Variants in DDX60 observed in about 807,000 individuals in gnomAD.
DDX60 encodes DExD/H-box helicase 60.
In DDX60, 165 loss-of-function variants were observed where a neutral mutation model predicts 212.8. The observed-to-expected ratio is 0.78, with a 90% CI of 0.68 to 0.88. The LOEUF (loss-of-function observed/expected upper bound fraction) is 0.88, where lower values mean the gene tolerates loss of function less well. DDX60 is among the 40% of genes least tolerant of loss of function. DDX60 has a pLI of 0.00. For synonymous variants in DDX60, 703 were observed against 685.3 expected (o/e 1.03, Z -0.40); for missense variants, 1,905 against 2,003.9 (o/e 0.95, Z 0.94).
intron 28 of DDX60, among the ~76,000 whole-genome samples, chr4:168,250,363 G>A (rs1484094493): frequency 6.6e-6 from 1 of 151,966 alleles, no homozygotes; most frequent in African/African-American, 2.4e-5. Context: ...CCAGCATGGA[G>A]AAACCCCATC....
chr4:168,260,656 A>G (rs1203888378), intron 25 of DDX60, among the ~76,000 whole-genome samples: 1 of 152,122 alleles, frequency 6.6e-6, no homozygotes, highest in Non-Finnish European at 1.5e-5. Flanking sequence ...TCACATGTGC[A>G]GTTCACAATA....
At chr4:168,252,178 C>T (rs996041248) in intron 27 of DDX60, among the ~76,000 whole-genome samples, 4 of 152,134 alleles carry the variant, frequency 2.6e-5, no homozygotes, top group Admixed American at 6.5e-5. Flanking sequence ...AATAACGAAA[C>T]GGCAAACATT....
intron 12 of DDX60, among the ~76,000 whole-genome samples, chr4:168,284,564 A>G (rs768150879): frequency 3.3e-5 from 5 of 152,170 alleles, no homozygotes; most frequent in Non-Finnish European, 7.4e-5. Context: ...ACATTGCTTA[A>G]ACTACAAACC....
At chr4:168,310,547 C>T (rs1167496109) in intron 3 of DDX60, among the ~76,000 whole-genome samples, 3 of 152,162 alleles carry the variant, frequency 2.0e-5, no homozygotes, top group Non-Finnish European at 4.4e-5. Context: ...GAATTTTAAG[C>T]AGGTGGCATT....
rs373973668 is a variant in DDX60, at chr4:168,247,982, G to A, written c.3963+206C>T. Among the ~76,000 whole-genome samples, 5 of 152,214 alleles carry A rather than the reference G, an allele frequency of 3.3e-5. 1 individual carries two copies. Among genetic ancestry groups the A allele is most frequent in the African/African-American group, 1.2e-4 (5 of 41,526 alleles). On this transcript the variant is annotated intron_variant, in intron 29 of 37. Transcript: ENST00000393743. ...ATCAGGCAGTTCAGATATCTCATCC[G>A]AGGTCACACATCTGGTTAATCACAC...
Position 168,291,865 on chromosome 4 carries a change from C to T in DDX60, c.924G>A (p.Leu308=). ...NCLTLQEMED[L]CKLHCLTVVF... ...CCACAGTGAGACAATGCAGTTTACA[C>T]AAATCTTCCATCTCCTGCAGGGTTA... Residue 308 remains leucine (L), a synonymous_variant, in exon 8 of 38, where the codon TTG becomes TTA. Coordinates refer to ENST00000393743, the MANE Select transcript of DDX60 (RefSeq NM_017631.6). 6.2e-7 allele frequency: 1 copy of T among 1,613,008 alleles called. No individual in the cohort carries two copies. Among genetic ancestry groups the T allele is most frequent in the African/African-American group, 1.3e-5 (1 of 74,940 alleles).
intron 4 of DDX60, among the ~76,000 whole-genome samples, chr4:168,307,320 G>T (rs1455206671): frequency 1.3e-5 from 2 of 152,092 alleles, no homozygotes; most frequent in Admixed American, 6.5e-5. Context: ...GATTAGGAAG[G>T]GTGGTAGTGG....
intron 14 of DDX60, among the ~76,000 whole-genome samples, chr4:168,277,303 T>A (rs1735382767): frequency 6.6e-6 from 1 of 152,182 alleles, no homozygotes; most frequent in South Asian, 2.1e-4. Context: ...TACTCATTGG[T>A]CTCAAAGGTG....
Position 168,225,528 on chromosome 4 carries a change from C to A in DDX60, c.4681+1G>T. ...CCACAATGGAGGTAAAATATACTTACTGATTTTTGACAATGGGAGTTGATA... is the reference window on the plus strand; with the variant it reads ...CCACAATGGAGGTAAAATATACTTAATGATTTTTGACAATGGGAGTTGATA... On this transcript the variant is annotated splice_donor_variant, in intron 34 of 37. Coordinates refer to ENST00000393743, the MANE Select transcript of DDX60 (RefSeq NM_017631.6). LOFTEE classifies it high-confidence loss of function. 1 of 1,602,548 alleles carries A rather than the reference C, an allele frequency of 6.2e-7. No individual in the cohort carries two copies. The highest frequency in any genetic ancestry group is 1.1e-5 in the South Asian group (1 of 88,862).
Position 168,283,500 on chromosome 4 carries a change from A to C in DDX60, c.1668T>G (p.Thr556=). ...AATCCTTCTTTGACTTAATAGTTTG[A>C]GTCACGATGATTTTCGAAGAGACTG... ...LETVSSKIIV[T]QTIKSKKDFS... is the part of the protein sequence containing the mutation. The change falls in exon 13 of 38, where the codon ACT becomes ACG. Residue 556 remains threonine, a synonymous_variant. Transcript: ENST00000393743. 1 of 1,613,606 alleles carries C rather than the reference A, an allele frequency of 6.2e-7. No individual in the cohort carries two copies. Among genetic ancestry groups the C allele is most frequent in the Non-Finnish European group, 8.5e-7 (1 of 1,179,702 alleles).
chr4:168,310,536 A>G (rs1319732978), intron 3 of DDX60, among the ~76,000 whole-genome samples: 1 of 152,252 alleles, frequency 6.6e-6, no homozygotes, highest in Non-Finnish European at 1.5e-5. Flanking sequence ...TAGCCATTGA[A>G]GAATTTTAAG....
Position 168,224,329 on chromosome 4 carries a change from T to C in DDX60, c.4738A>G (p.Lys1580Glu). Residue 1580 changes from lysine (K) to glutamate (E), a missense_variant, in exon 35 of 38, where the codon AAG becomes GAG. Transcript: ENST00000393743. ...SQLVSHLMSC[K>E]EGRVAISPFV... ...GGTGAAATTGCTACTCTTCCTTCCT[T>C]GCAGCTCATCAAATGAGATACGAGT... The C allele has an allele frequency of 6.2e-7, 1 of 1,612,156 alleles. No homozygotes were observed. The highest frequency in any genetic ancestry group is 8.5e-7 in the Non-Finnish European group (1 of 1,178,668).
chr4:168,304,732 A>G (rs1736802571), intron 5 of DDX60, among the ~76,000 whole-genome samples: 1 of 152,202 alleles, frequency 6.6e-6, no homozygotes, highest in Non-Finnish European at 1.5e-5. Context: ...ATATTTTTGT[A>G]CAGTTGTATA....
chr4:168,244,241 C>T (rs566659009), intron 30 of DDX60, among the ~76,000 whole-genome samples: 1 of 151,828 alleles, frequency 6.6e-6, no homozygotes, highest in East Asian at 1.9e-4. Context: ...ACATGTGCCT[C>T]AGAACTTAAA....
intron 20 of DDX60, among the ~76,000 whole-genome samples, chr4:168,268,350 T>G (rs1163616207): frequency 6.6e-6 from 1 of 152,158 alleles, no homozygotes; most frequent in East Asian, 1.9e-4. Context: ...TAGGAGGTAT[T>G]ATAGGATTGT....
chr4:168,312,780 T>C (rs573293234), intron 1 of DDX60, among the ~76,000 whole-genome samples: 21 of 127,770 alleles, frequency 1.6e-4, no homozygotes, highest in East Asian at 2.2e-4. Context: ...TATTCCATGA[T>C]AGTAAGGAAC....
At chr4:168,288,411 G>T in intron 8 of DDX60, 96 bp from the exon 9 acceptor site, 1 of 842,294 alleles carries the variant, frequency 1.2e-6, no homozygotes, top group Non-Finnish European at 1.8e-6. Context: ...CAGTGGGCAG[G>T]ATCATTCCAA....
intron 14 of DDX60, among the ~76,000 whole-genome samples, chr4:168,279,228 G>A (rs576997545): frequency 6.6e-6 from 1 of 152,276 alleles, no homozygotes; most frequent in African/African-American, 2.4e-5. Context: ...TTTATGGAAT[G>A]GTTCTACCAA....
intron 6 of DDX60, among the ~76,000 whole-genome samples, chr4:168,298,043 G>A (rs1002047445): frequency 1.3e-5 from 2 of 151,672 alleles, no homozygotes; most frequent in Non-Finnish European, 2.9e-5. Flanking sequence ...AAACCAAATA[G>A]TGAAAGGTAA....
Sources: gnomAD v4.1 joint callset for allele counts (sites outside exome capture counted in the v4.1 genomes callset) on GRCh38, gnomAD v4.1.1 for gene constraint, MANE v1.5 for transcripts, NCBI Gene and HGNC (gene_info 2026-07-23, HGNC 2026-07-21) for gene names.